Variants in HCRTR2 observed in about 807,000 individuals in gnomAD.
HCRTR2 encodes the protein hypocretin receptor 2.
A neutral mutation model predicts 49.0 loss-of-function variants in HCRTR2; 22 were observed. That is an observed-to-expected ratio of 0.45 (90% CI 0.32 to 0.64). The LOEUF is 0.64. Ranked by LOEUF, HCRTR2 falls within the 30% of genes least tolerant of loss-of-function variation. HCRTR2 has a pLI of 0.04. For missense variants in HCRTR2, 491 were observed against 559.4 expected, an observed-to-expected ratio of 0.88 and a Z score of 1.23; for synonymous variants, 236 against 205.3, an observed-to-expected ratio of 1.15 and a Z score of -1.28.
At chr6:55,265,341 C>G (rs1433051206) in intron 4 of HCRTR2, among the ~76,000 whole-genome samples, 1 of 152,016 alleles carries the variant, frequency 6.6e-6, no homozygotes, top group Non-Finnish European at 1.5e-5. Context: ...TATTATTCTT[C>G]TATTAAAAAA....
intron 3 of HCRTR2, among the ~76,000 whole-genome samples, chr6:55,256,214 TA>T (rs774913881): frequency 6.6e-6 from 1 of 151,440 alleles, no homozygotes; most frequent in Non-Finnish European, 1.5e-5. Flanking sequence ...AATATATATT[TA>T]AAAAAAAACC....
intron 1 of HCRTR2, among the ~76,000 whole-genome samples, chr6:55,116,361 A>T (rs889211933): frequency 6.6e-6 from 1 of 151,742 alleles, no homozygotes; most frequent in African/African-American, 2.4e-5. Context: ...CGATGTATTT[A>T]GATTTAATTA....
At position 55,168,588 on chromosome 6, in the gene HCRTR2, CA is replaced by C. The variant is rs959109560; in HGVS notation, c.-377-5622del. Among the ~76,000 whole-genome samples, 10 of 152,104 alleles carry C rather than the reference CA, an allele frequency of 6.6e-5. No homozygotes were observed. In the South Asian group the frequency reaches 1.0e-3, roughly 16 times the overall value. ...GGAATAATAGATGCTTTTTTTGAGACAGTGTCTCATTCTGTTGCCCAGGCTG... is the reference window on the plus strand; with the variant it reads ...GGAATAATAGATGCTTTTTTTGAGACGTGTCTCATTCTGTTGCCCAGGCTG... On this transcript the variant is annotated intron_variant, in intron 1 of 7. Transcript: ENST00000615358.
chr6:55,195,947 G>A (rs965258015), intron 1 of HCRTR2, among the ~76,000 whole-genome samples: 1 of 152,016 alleles, frequency 6.6e-6, no homozygotes, highest in African/African-American at 2.4e-5. Context: ...ACTCCAGCCT[G>A]GGCGACAGAG....
chr6:55,184,776 G>T (rs1581814625), intron 1 of HCRTR2, among the ~76,000 whole-genome samples: 1 of 152,140 alleles, frequency 6.6e-6, no homozygotes, highest in African/African-American at 2.4e-5. Flanking sequence ...TCCTTTTGTA[G>T]ATTCTTAGCT....
intron 1 of HCRTR2, among the ~76,000 whole-genome samples, chr6:55,235,221 C>T (rs777395258): frequency 2.0e-5 from 3 of 151,846 alleles, no homozygotes; most frequent in Non-Finnish European, 4.4e-5. Context: ...TCTGGGGTGC[C>T]GGTCATATTG....
chr6:55,241,465 T>C (rs912633184), intron 1 of HCRTR2, among the ~76,000 whole-genome samples: 1 of 152,140 alleles, frequency 6.6e-6, no homozygotes, highest in African/African-American at 2.4e-5. Flanking sequence ...TTTCCTGATA[T>C]ATTTTTTATG....
At chr6:55,180,194 A>G (rs1765107366) in intron 1 of HCRTR2, among the ~76,000 whole-genome samples, 1 of 152,260 alleles carries the variant, frequency 6.6e-6, no homozygotes, top group Non-Finnish European at 1.5e-5. Flanking sequence ...AATAAGAAAA[A>G]TGAATTCAAA....
intron 1 of HCRTR2, among the ~76,000 whole-genome samples, chr6:55,159,752 A>G (rs1242347515): frequency 6.6e-6 from 1 of 152,230 alleles, no homozygotes; most frequent in African/African-American, 2.4e-5. Context: ...TTGAAGATCA[A>G]CTTAATGAAA....
At chr6:55,114,730 C>A (rs1036192879) in intron 1 of HCRTR2, among the ~76,000 whole-genome samples, 4 of 151,802 alleles carry the variant, frequency 2.6e-5, no homozygotes, top group Non-Finnish European at 4.4e-5. Flanking sequence ...ATAAGAAACA[C>A]TCCATATTCC....
In HCRTR2 at chr6:55,185,570, T is replaced by C. The variant is rs528170682; in HGVS notation, c.223+10760T>C. ...TTTGGGGATTGGATGATATGAATAA[T>C]ATAATTAATACACCCTAATTTTTCA... On this transcript the variant is annotated intron_variant, in intron 1 of 6. Transcript: ENST00000370862. Among the ~76,000 whole-genome samples the C allele has an allele frequency of 2.6e-5, 4 of 152,340 alleles. No homozygotes were observed. The South Asian group carries it at 8.3e-4, about 32-fold the overall frequency.
intron 4 of HCRTR2, among the ~76,000 whole-genome samples, chr6:55,270,850 A>C (rs755666349): frequency 6.6e-6 from 1 of 152,190 alleles, no homozygotes; most frequent in Non-Finnish European, 1.5e-5. Flanking sequence ...CAATCGGTAC[A>C]CAACATATAC....
At chr6:55,263,643 T>C (rs550817111) in intron 3 of HCRTR2, 64 bp from the exon 4 acceptor site, 3 of 820,892 alleles carry the variant, frequency 3.7e-6, no homozygotes, top group South Asian at 1.4e-5. Flanking sequence ...AGCATTGACA[T>C]GTATCTTTTT....
intron 1 of HCRTR2, among the ~76,000 whole-genome samples, chr6:55,212,968 T>G (rs138572138): frequency 6.6e-6 from 1 of 152,278 alleles, no homozygotes; most frequent in Non-Finnish European, 1.5e-5. Flanking sequence ...CTTCCAATGC[T>G]CTTTCATTGG....
intron 5 of HCRTR2, among the ~76,000 whole-genome samples, 154 bp from the exon 6 acceptor site, chr6:55,280,169 G>T (rs1767161001): frequency 6.6e-6 from 1 of 152,130 alleles, no homozygotes; most frequent in African/African-American, 2.4e-5. Flanking sequence ...AGGCACTGAA[G>T]TTATTCTAAA....
intron 1 of HCRTR2, among the ~76,000 whole-genome samples, chr6:55,211,274 G>T (rs999969253): frequency 1.3e-5 from 2 of 152,098 alleles, no homozygotes; most frequent in Non-Finnish European, 2.9e-5. Context: ...TATAGCATTT[G>T]ATCATGAGAT....
In HCRTR2 at chr6:55,174,531, C is replaced by A; in HGVS notation, c.-57C>A. 2 of 1,402,552 alleles carry A rather than the reference C, an allele frequency of 1.4e-6. No individual in the cohort carries two copies. The highest frequency in any genetic ancestry group is 1.2e-5 in the South Asian group (1 of 86,824). 86.9% of individuals were successfully genotyped at this position (1,402,552 alleles called of 1,614,324 possible). A position where few individuals can be genotyped will look rare whatever the true frequency, so the allele number is the denominator to read the frequency against. On this transcript the variant is annotated 5_prime_UTR_variant, in exon 1 of 7. Transcript: ENST00000370862. ...TTTCCCACCGCAAATCACCAGTGCTCATGGGGCAGGCGGAGAGGAGCTTGC... is the reference window on the plus strand; with the variant it reads ...TTTCCCACCGCAAATCACCAGTGCTAATGGGGCAGGCGGAGAGGAGCTTGC...
In HCRTR2 at chr6:55,281,360, C is replaced by A. The variant is rs958290095; in HGVS notation, c.1106-865C>A. 2.0e-5 allele frequency among the ~76,000 whole-genome samples: 3 copies of A among 151,970 alleles called. No individual in the cohort carries two copies. In the South Asian group the frequency reaches 6.2e-4, roughly 32 times the overall value. ...CTAAAGCTCTGAACCTCGCACTAAG[C>A]AGGTAAAGGCTATGAGGAAGTTGTA... On this transcript the variant is annotated intron_variant, in intron 6 of 6. Coordinates refer to ENST00000370862, the MANE Select transcript of HCRTR2 (RefSeq NM_001384272.1).
chr6:55,198,117 C>T (rs1183933809), intron 1 of HCRTR2, among the ~76,000 whole-genome samples: 2 of 152,094 alleles, frequency 1.3e-5, no homozygotes, highest in Non-Finnish European at 2.9e-5. Flanking sequence ...TTAACCTTCA[C>T]GAAACTACAT....
Sources: allele counts gnomAD v4.1 joint callset (sites outside exome capture counted in the v4.1 genomes callset), GRCh38; gene constraint gnomAD v4.1.1; transcripts MANE v1.5; gene names NCBI Gene and HGNC (gene_info 2026-07-23, HGNC 2026-07-21).